TAF1B: variants seen among roughly 807,000 people sequenced by gnomAD.
The protein encoded by TAF1B is TATA-box binding protein associated factor, RNA polymerase I subunit B, also known as TATA box-binding protein-associated factor RNA polymerase I subunit B.
Under a neutral mutation model 83.9 loss-of-function variants are expected in TAF1B, and 61 were observed. That is an observed-to-expected ratio of 0.73 (90% CI 0.59 to 0.90). TAF1B has a LOEUF of 0.90. TAF1B is among the 40% of genes least tolerant of loss of function. The pLI is 0.00. For synonymous variants in TAF1B, 221 were observed against 224.6 expected (o/e 0.98, Z 0.14); for missense variants, 625 against 677.0 (o/e 0.92, Z 0.85).
chr2:9,924,436 A>G (rs946434796), intron 14 of TAF1B, among the ~76,000 whole-genome samples: 3 of 152,216 alleles, frequency 2.0e-5, no homozygotes, highest in African/African-American at 7.2e-5. Context: ...TTTGACAACA[A>G]TAGGGGAGCC....
intron 11 of TAF1B, among the ~76,000 whole-genome samples, chr2:9,912,416 G>T (rs902161552): frequency 6.6e-6 from 1 of 152,216 alleles, no homozygotes; most frequent in East Asian, 1.9e-4. Flanking sequence ...TTAGAGGCTT[G>T]AATTTATTGG....
intron 14 of TAF1B, among the ~76,000 whole-genome samples, chr2:9,920,209 A>G (rs1194952294): frequency 2.0e-5 from 3 of 152,166 alleles, no homozygotes; most frequent in Admixed American, 2.0e-4. Flanking sequence ...TTAAGTGACC[A>G]CAGTACAGTT....
intron 11 of TAF1B, among the ~76,000 whole-genome samples, chr2:9,911,923 AACTCCTGT>A (rs1383371955): frequency 5.3e-5 from 8 of 152,132 alleles, no homozygotes; most frequent in Non-Finnish European, 1.0e-4. Flanking sequence ...TTCTTACCCC[AACTCCTGT>A]TCAGTCCCTG....
chr2:9,900,459 C>T (rs1665149787), intron 8 of TAF1B, among the ~76,000 whole-genome samples: 1 of 152,008 alleles, frequency 6.6e-6, no homozygotes, highest in Non-Finnish European at 1.5e-5. Flanking sequence ...TCACTTGAGC[C>T]CAGGAGGTCA....
chr2:9,927,232 G>A (rs554073194), intron 14 of TAF1B, among the ~76,000 whole-genome samples: 1 of 152,206 alleles, frequency 6.6e-6, no homozygotes, highest in Non-Finnish European at 1.5e-5. Flanking sequence ...AGTATTCCAT[G>A]GTGTATATGT....
chr2:9,871,780 C>T (rs1435915432), intron 6 of TAF1B, among the ~76,000 whole-genome samples: 1 of 152,044 alleles, frequency 6.6e-6, no homozygotes, highest in Non-Finnish European at 1.5e-5. Flanking sequence ...TTTGAGTCTT[C>T]TGTTTGGCGG....
chr2:9,893,295 A>G (rs935594750), intron 8 of TAF1B, among the ~76,000 whole-genome samples: 4 of 152,188 alleles, frequency 2.6e-5, no homozygotes, highest in Non-Finnish European at 5.9e-5. Context: ...CATTGATTAT[A>G]AGTTATATCC....
intron 8 of TAF1B, among the ~76,000 whole-genome samples, chr2:9,899,401 CTATA>C (rs1235791583): frequency 6.6e-6 from 1 of 152,106 alleles, no homozygotes; most frequent in Non-Finnish European, 1.5e-5. Context: ...CATTCAAAAT[CTATA>C]TATACTACTT....
chr2:9,885,324 T>C (rs1490686041), intron 8 of TAF1B, among the ~76,000 whole-genome samples: 1 of 152,212 alleles, frequency 6.6e-6, no homozygotes. Flanking sequence ...AGATCACAGA[T>C]GTCAAAGAAC....
chr2:9,856,059 T>C (rs1303706295), intron 5 of TAF1B, among the ~76,000 whole-genome samples: 2 of 152,168 alleles, frequency 1.3e-5, no homozygotes, highest in Non-Finnish European at 2.9e-5. Flanking sequence ...AGTGTTTCCT[T>C]GTTTGCTTGG....
rs114625169 is a variant in TAF1B at position 9,884,464 on chromosome 2, A to T, written c.807+1659A>T. Among the ~76,000 whole-genome samples the T allele has an allele frequency of 5.2e-4, 79 of 152,326 alleles. 1 individual carries two copies. The highest frequency in any genetic ancestry group is 1.0e-3 in the Non-Finnish European group (71 of 68,026). ...TGCAACCAGGAAGAATGAGGTACAC[A>T]GATAAGTGGAGGGTGAGCGAGATGA... On this transcript the variant is annotated intron_variant, in intron 8 of 14. Transcript: ENST00000263663.
chr2:9,885,550 A>C (rs948225698), intron 8 of TAF1B, among the ~76,000 whole-genome samples: 5 of 152,206 alleles, frequency 3.3e-5, no homozygotes, highest in African/African-American at 1.2e-4. Context: ...CAATTCCAAT[A>C]GATTTGGAGA....
rs1478039946 is a variant in TAF1B at position 9,865,667 on chromosome 2, G to A, written c.400-2609G>A. Among the ~76,000 whole-genome samples the A allele has an allele frequency of 5.9e-5, 9 of 151,996 alleles. No individual in the cohort carries two copies. In the East Asian group the frequency reaches 9.7e-4, roughly 16 times the overall value. Reference sequence around the variant, plus strand: ...AAAAGAACAAAGCTGGAGGCATCACGCTACCTGACTTCAAACTATACTACA... The same window carrying A: ...AAAAGAACAAAGCTGGAGGCATCACACTACCTGACTTCAAACTATACTACA... On this transcript the variant is annotated intron_variant, in intron 5 of 14. Coordinates refer to ENST00000263663, the MANE Select transcript of TAF1B (RefSeq NM_005680.3).
intron 2 of TAF1B, among the ~76,000 whole-genome samples, chr2:9,848,455 T>C (rs1468532311): frequency 1.3e-5 from 2 of 152,094 alleles, no homozygotes; most frequent in Non-Finnish European, 2.9e-5. Context: ...TCACCTGAGG[T>C]TGGGAGTTTG....
At chr2:9,906,449 A>T (rs1665345305) in intron 9 of TAF1B, among the ~76,000 whole-genome samples, 1 of 152,226 alleles carries the variant, frequency 6.6e-6, no homozygotes, top group African/African-American at 2.4e-5. Flanking sequence ...CAATAGAAAT[A>T]ATTTGAAATA....
intron 8 of TAF1B, among the ~76,000 whole-genome samples, chr2:9,903,117 G>T (rs1184994825): frequency 1.3e-5 from 2 of 151,958 alleles, no homozygotes; most frequent in African/African-American, 4.8e-5. Flanking sequence ...ACGGAGTCTG[G>T]CTCTGTCGCC....
At chr2:9,879,726 A>G (rs1165979428) in intron 7 of TAF1B, among the ~76,000 whole-genome samples, 2 of 152,180 alleles carry the variant, frequency 1.3e-5, no homozygotes, top group East Asian at 1.9e-4. Context: ...TCAGAGGCAG[A>G]TATCTGTCTT....
At position 9,933,791 on chromosome 2, in the gene TAF1B, C is replaced by T. The variant is rs751419782; in HGVS notation, c.1574C>T (p.Thr525Ile). The T allele has an allele frequency of 1.2e-6, 2 of 1,609,740 alleles. No individual in the cohort carries two copies. Among genetic ancestry groups the T allele is most frequent in the Non-Finnish European group, 1.7e-6 (2 of 1,178,426 alleles). The change falls in exon 15 of 15, where the codon ACA becomes ATA. Residue 525 changes from threonine (T) to isoleucine (I), a missense_variant. Thr to Ile is a moderately conservative substitution (Grantham distance 89). Coordinates refer to ENST00000263663, the MANE Select transcript of TAF1B (RefSeq NM_005680.3). ...STQKFCRCYCTHVTTYEESNY... is the reference protein window; with the variant it reads ...STQKFCRCYCIHVTTYEESNY... Reference sequence around the variant, plus strand: ...TTCTTTTTCCCTTCTAGCTATTGTACACATGTGACAACCTATGAAGAATCA... The same window carrying T: ...TTCTTTTTCCCTTCTAGCTATTGTATACATGTGACAACCTATGAAGAATCA...
At chr2:9,844,770 G>A (rs1445355659) in intron 1 of TAF1B, among the ~76,000 whole-genome samples, 2 of 152,162 alleles carry the variant, frequency 1.3e-5, no homozygotes, top group African/African-American at 4.8e-5. Context: ...ACACATAGTT[G>A]ATACCCCTTA....
Sources: gnomAD v4.1 joint callset for allele counts (sites outside exome capture counted in the v4.1 genomes callset) on GRCh38, gnomAD v4.1.1 for gene constraint, MANE v1.5 for transcripts, NCBI Gene and HGNC (gene_info 2026-07-23, HGNC 2026-07-21) for gene names.